LDB2: variants seen among roughly 807,000 people sequenced by gnomAD.
LDB2 encodes LIM domain binding 2, also known as LIM domain-binding protein 2.
LDB2 carries 12 observed loss-of-function variants against 44.3 expected under a neutral mutation model. The observed-to-expected ratio is 0.27, with a 90% CI of 0.17 to 0.44. LDB2 has a LOEUF of 0.44. Among genes scored for constraint, LDB2 ranks in the 20% least tolerant of loss-of-function variants. LDB2 has a pLI of 1.00. For missense variants in LDB2, 344 were observed against 473.5 expected, an observed-to-expected ratio of 0.73 and a Z score of 2.54; for synonymous variants, 164 against 174.8, an observed-to-expected ratio of 0.94 and a Z score of 0.49.
At chr4:16,730,084 T>C (rs1760420414) in intron 2 of LDB2, among the ~76,000 whole-genome samples, 1 of 152,202 alleles carries the variant, frequency 6.6e-6, no homozygotes, top group Non-Finnish European at 1.5e-5. Flanking sequence ...TATTCTGTTT[T>C]CATTTCTGTT....
chr4:16,788,100 A>G (rs567398935), intron 1 of LDB2, among the ~76,000 whole-genome samples: 5 of 152,178 alleles, frequency 3.3e-5, no homozygotes, highest in Non-Finnish European at 7.3e-5. Flanking sequence ...CATTCCCTGT[A>G]TAGTGCTGAG....
chr4:16,639,353 C>A (rs918457894), intron 2 of LDB2, among the ~76,000 whole-genome samples: 5 of 152,134 alleles, frequency 3.3e-5, no homozygotes, highest in African/African-American at 1.2e-4. Flanking sequence ...AAACAAAACC[C>A]AAAGACAGGT....
At chr4:16,661,592 G>A (rs550878656) in intron 2 of LDB2, among the ~76,000 whole-genome samples, 2 of 152,288 alleles carry the variant, frequency 1.3e-5, no homozygotes, top group East Asian at 1.9e-4. Context: ...CCTACTAAGT[G>A]TTTGCTGTGG....
At chr4:16,698,000 G>C (rs1432101510) in intron 2 of LDB2, among the ~76,000 whole-genome samples, 1 of 152,162 alleles carries the variant, frequency 6.6e-6, no homozygotes, top group African/African-American at 2.4e-5. Context: ...ATTCCATTTT[G>C]TGTGTGTATT....
At chr4:16,534,238 T>C (rs1731005876) in intron 5 of LDB2, among the ~76,000 whole-genome samples, 1 of 152,348 alleles carries the variant, frequency 6.6e-6, no homozygotes, top group African/African-American at 2.4e-5. Context: ...AAATTTTGTA[T>C]GTAGCAAAAT....
chr4:16,847,864 C>T (rs1226486621), intron 1 of LDB2, among the ~76,000 whole-genome samples: 1 of 152,246 alleles, frequency 6.6e-6, no homozygotes, highest in Non-Finnish European at 1.5e-5. Context: ...GATCCACCCG[C>T]CTTGGCCTCC....
At chr4:16,657,284 A>G (rs138455460) in intron 2 of LDB2, among the ~76,000 whole-genome samples, 3 of 152,350 alleles carry the variant, frequency 2.0e-5, no homozygotes, top group African/African-American at 7.2e-5. Context: ...GGATAGTGCC[A>G]TGATGCCAAT....
rs143827881 is a variant in LDB2 at position 16,519,685 on chromosome 4, A to T, written c.616-7581T>A. Among the ~76,000 whole-genome samples the T allele has an allele frequency of 3.7e-3, 553 of 150,846 alleles. 3 individuals carry two copies. The highest frequency in any genetic ancestry group is 6.5e-3 in the South Asian group (31 of 4,758). ...AGATTCATCTGGGTTCAAGCCCTCC[A>T]AGTCAGCCATTATCTAGCTATGTGT... On this transcript the variant is annotated intron_variant, in intron 5 of 7. Transcript: ENST00000304523.
chr4:16,729,005 T>C (rs1760143481), intron 2 of LDB2, among the ~76,000 whole-genome samples: 1 of 152,152 alleles, frequency 6.6e-6, no homozygotes, highest in African/African-American at 2.4e-5. Context: ...TGGAAGGACT[T>C]GGGTATAGAT....
At chr4:16,503,040 G>A in intron 7 of LDB2, 167 bp from the exon 8 acceptor site, 2 of 1,547,490 alleles carry the variant, frequency 1.3e-6, no homozygotes, top group Non-Finnish European at 1.7e-6. Context: ...ATTTCTACAG[G>A]AAATAAACAT....
intron 2 of LDB2, among the ~76,000 whole-genome samples, chr4:16,608,672 C>T (rs33948812): frequency 0.34 from 51,639 of 152,082 alleles, 9,124 homozygotes; most frequent in East Asian, 0.56. Context: ...GACTTTCCGC[C>T]ATTATCCCAT....
In LDB2 at chr4:16,501,630, C is replaced by T. The variant is rs1717555879; in HGVS notation, c.*1013G>A. 1 of 152,538 alleles carries T rather than the reference C, an allele frequency of 6.6e-6. No homozygotes were observed. Among genetic ancestry groups the T allele is most frequent in the Non-Finnish European group, 1.5e-5 (1 of 68,032 alleles). The allele number at this position is 152,538 out of a possible 1,614,324, so 9.4% of individuals were successfully genotyped here. On this transcript the variant is annotated 3_prime_UTR_variant, in exon 8 of 8. Transcript: ENST00000304523. ...TTTTTTAACACACGGAGCCACTGTG[C>T]CTTTACATGTGTGGAGGAACATATT...
intron 2 of LDB2, among the ~76,000 whole-genome samples, chr4:16,751,453 C>T (rs1158698919): frequency 6.6e-6 from 1 of 152,110 alleles, no homozygotes; most frequent in African/African-American, 2.4e-5. Flanking sequence ...ACTGTTATGG[C>T]CAATTTGCAA....
intron 2 of LDB2, among the ~76,000 whole-genome samples, chr4:16,632,268 G>C (rs1217802449): frequency 1.3e-5 from 2 of 152,150 alleles, no homozygotes; most frequent in Non-Finnish European, 2.9e-5. Context: ...GGGATGCAAG[G>C]CTGGTTCAAC....
At chr4:16,730,336 A>G (rs1290994328) in intron 2 of LDB2, among the ~76,000 whole-genome samples, 2 of 152,070 alleles carry the variant, frequency 1.3e-5, no homozygotes, top group East Asian at 1.9e-4. Flanking sequence ...ACGACTTTGT[A>G]TTGTCTGGTC....
intron 1 of LDB2, among the ~76,000 whole-genome samples, chr4:16,795,849 T>C (rs1261188648): frequency 3.9e-5 from 6 of 152,120 alleles, no homozygotes; most frequent in Admixed American, 6.5e-5. Flanking sequence ...ATTGTTAAAA[T>C]TGAGATAGAC....
chr4:16,535,385 A>G (rs1731468295), intron 5 of LDB2, among the ~76,000 whole-genome samples: 1 of 152,188 alleles, frequency 6.6e-6, no homozygotes, highest in Non-Finnish European at 1.5e-5. Flanking sequence ...GTTCTTCAAT[A>G]TGGCGAGGAC....
intron 2 of LDB2, among the ~76,000 whole-genome samples, chr4:16,621,975 A>G (rs905199884): frequency 3.9e-5 from 6 of 152,270 alleles, no homozygotes; most frequent in African/African-American, 7.2e-5. Flanking sequence ...ATGTTGGTGC[A>G]AAAGTAATTG....
chr4:16,782,420 G>C (rs1188011613), intron 1 of LDB2, among the ~76,000 whole-genome samples: 1 of 150,492 alleles, frequency 6.6e-6, no homozygotes, highest in East Asian at 2.0e-4. Flanking sequence ...GCACGATCTT[G>C]GTTCACTAAA....
Sources: gnomAD v4.1 joint callset for allele counts (sites outside exome capture counted in the v4.1 genomes callset) on GRCh38, gnomAD v4.1.1 for gene constraint, MANE v1.5 for transcripts, NCBI Gene and HGNC (gene_info 2026-07-23, HGNC 2026-07-21) for gene names.